Variants in ARHGAP15 observed in about 807,000 individuals in gnomAD.
ARHGAP15 encodes the protein Rho GTPase activating protein 15.
A neutral mutation model predicts 63.7 loss-of-function variants in ARHGAP15; 51 were observed. That is an observed-to-expected ratio of 0.80 (90% CI 0.64 to 1.01). The LOEUF is 1.01. Among genes scored for constraint, ARHGAP15 ranks in the 50% least tolerant of loss-of-function variants. The probability of loss-of-function intolerance (pLI) is 0.00; values close to 1 mark genes in which losing one functional copy is unlikely to be tolerated. For missense variants in ARHGAP15, 560 were observed against 564.6 expected (o/e 0.99, Z 0.08); for synonymous variants, 191 against 193.8 (o/e 0.99, Z 0.12).
intron 2 of ARHGAP15, among the ~76,000 whole-genome samples, chr2:143,187,861 A>G (rs1265561424): frequency 6.6e-6 from 1 of 152,188 alleles, no homozygotes; most frequent in African/African-American, 2.4e-5. Context: ...CAACCTTTTG[A>G]AGAAAAAGTT....
intron 6 of ARHGAP15, among the ~76,000 whole-genome samples, chr2:143,390,785 A>G (rs899937683): frequency 3.3e-5 from 5 of 151,872 alleles, no homozygotes; most frequent in Admixed American, 6.6e-5. Context: ...AGAGAAATAC[A>G]CTTGCTAAGG....
intron 11 of ARHGAP15, among the ~76,000 whole-genome samples, chr2:143,563,611 T>C (rs1696111158): frequency 6.6e-6 from 1 of 152,224 alleles, no homozygotes; most frequent in Non-Finnish European, 1.5e-5. Context: ...CCATATAGAC[T>C]TGACTACTGA....
At chr2:143,477,858 C>A (rs1401105152) in intron 8 of ARHGAP15, among the ~76,000 whole-genome samples, 1 of 152,200 alleles carries the variant, frequency 6.6e-6, no homozygotes, top group Non-Finnish European at 1.5e-5. Context: ...ACAAAACAAG[C>A]CTCTGAGCTC....
chr2:143,155,735 T>A, intron 2 of ARHGAP15, 80 bp downstream of exon 2: 7 of 1,386,070 alleles, frequency 5.1e-6, no homozygotes, highest in South Asian at 4.6e-5. Context: ...TAATTAGTCT[T>A]GTTTTATTTG....
chr2:143,533,926 A>G lies in ARHGAP15; in HGVS notation c.925+14562A>G, dbSNP rs527706696. 8.0e-4 allele frequency among the ~76,000 whole-genome samples: 122 copies of G among 152,326 alleles called. 1 individual carries two copies. The South Asian group carries it at 0.017, about 22-fold the overall frequency. On this transcript the variant is annotated intron_variant, in intron 10 of 13. Transcript: ENST00000295095. ...AGCCATGCATTACCAGCTGAGGCCA[A>G]TAAGCCTTAGGTTGTTACTGGGGAA...
chr2:143,517,449 T>C (rs938294214), intron 9 of ARHGAP15, among the ~76,000 whole-genome samples: 4 of 152,214 alleles, frequency 2.6e-5, no homozygotes, highest in African/African-American at 9.7e-5. Flanking sequence ...CTATCTAATT[T>C]TACATATACT....
intron 6 of ARHGAP15, among the ~76,000 whole-genome samples, chr2:143,263,021 A>G (rs1680806419): frequency 6.6e-6 from 1 of 152,116 alleles, no homozygotes; most frequent in South Asian, 2.1e-4. Flanking sequence ...TCATGTATCA[A>G]TGGTGTGCCA....
At chr2:143,446,148 A>T (rs1690128097) in intron 8 of ARHGAP15, among the ~76,000 whole-genome samples, 1 of 148,590 alleles carries the variant, frequency 6.7e-6, no homozygotes, top group African/African-American at 2.4e-5. Flanking sequence ...TATAATATAT[A>T]TTTTATATAA....
At chr2:143,134,178 CTATCATCT>C (rs1292883799) in intron 1 of ARHGAP15, among the ~76,000 whole-genome samples, 5 of 83,226 alleles carry the variant, frequency 6.0e-5, no homozygotes, top group Admixed American at 1.4e-4. Context: ...ATCTATCTAT[CTATCATCT>C]ATCTATCTAC....
chr2:143,394,762 A>G (rs1047728487), intron 6 of ARHGAP15, among the ~76,000 whole-genome samples: 2 of 152,168 alleles, frequency 1.3e-5, no homozygotes, highest in African/African-American at 4.8e-5. Flanking sequence ...CACATTTTGA[A>G]ATGCTTGTTA....
intron 11 of ARHGAP15, among the ~76,000 whole-genome samples, chr2:143,611,203 G>T (rs1698242754): frequency 6.6e-6 from 1 of 152,102 alleles, no homozygotes; most frequent in African/African-American, 2.4e-5. Context: ...TTTGAAGCAG[G>T]CTGCTTATGA....
At chr2:143,330,139 C>CAAAAAAAAA (rs1553465099) in intron 6 of ARHGAP15, among the ~76,000 whole-genome samples, 1 of 55,508 alleles carries the variant, frequency 1.8e-5, no homozygotes, top group Non-Finnish European at 3.6e-5. Flanking sequence ...AAACCAAAAA[C>CAAAAAAAAA]AAAAAACTAA....
At chr2:143,611,321 GT>G (rs1166424466) in intron 11 of ARHGAP15, among the ~76,000 whole-genome samples, 2 of 152,046 alleles carry the variant, frequency 1.3e-5, no homozygotes, top group Non-Finnish European at 2.9e-5. Context: ...ATCCCTTATT[GT>G]TTTAGGTGGT....
intron 13 of ARHGAP15, among the ~76,000 whole-genome samples, chr2:143,757,188 T>C (rs1574933089): frequency 6.6e-6 from 1 of 151,836 alleles, no homozygotes; most frequent in East Asian, 1.9e-4. Context: ...AAAGTTACAG[T>C]GATTTAAACA....
intron 6 of ARHGAP15, among the ~76,000 whole-genome samples, chr2:143,378,914 T>A (rs887152707): frequency 6.6e-6 from 1 of 152,046 alleles, no homozygotes; most frequent in African/African-American, 2.4e-5. Flanking sequence ...TTGAAGGGAA[T>A]GGGTGGAATC....
chr2:143,721,150 C>T (rs1685041344), intron 13 of ARHGAP15, among the ~76,000 whole-genome samples: 1 of 151,672 alleles, frequency 6.6e-6, no homozygotes, highest in Non-Finnish European at 1.5e-5. Flanking sequence ...TCCCAGGTGC[C>T]ACTGCTGCTG....
At chr2:143,271,637 G>A (rs1319384016) in intron 6 of ARHGAP15, among the ~76,000 whole-genome samples, 1 of 152,146 alleles carries the variant, frequency 6.6e-6, no homozygotes, top group Non-Finnish European at 1.5e-5. Context: ...CACCTCGCCC[G>A]GCTAATTTTT....
chr2:143,153,184 G>T (rs147492136), intron 1 of ARHGAP15, among the ~76,000 whole-genome samples: 1 of 151,934 alleles, frequency 6.6e-6, no homozygotes. Context: ...TGTAAACACC[G>T]TGGCTAGATG....
chr2:143,584,971 C>A, intron 11 of ARHGAP15, among the ~76,000 whole-genome samples: 1 of 152,084 alleles, frequency 6.6e-6, no homozygotes, highest in East Asian at 1.9e-4. Context: ...ATGTATTTTA[C>A]TTTTTGCTGT....
Sources: gnomAD v4.1 joint callset for allele counts (sites outside exome capture counted in the v4.1 genomes callset) on GRCh38, gnomAD v4.1.1 for gene constraint, MANE v1.5 for transcripts, NCBI Gene and HGNC (gene_info 2026-07-23, HGNC 2026-07-21) for gene names.